The following ESYT3 variants were observed in gnomAD, a reference collection of about 807,000 sequenced individuals.
ESYT3 encodes extended synaptotagmin-3.
ESYT3 carries 101 observed loss-of-function variants against 111.5 expected under a neutral mutation model. The ratio of observed to expected loss-of-function variants is 0.91; its 90% CI spans 0.77 to 1.07. The LOEUF (loss-of-function observed/expected upper bound fraction) is 1.07. Among genes scored for constraint, ESYT3 ranks in the 50% least tolerant of loss-of-function variants. ESYT3 has a pLI of 0.00. For synonymous variants in ESYT3, 416 were observed against 446.8 expected, an observed-to-expected ratio of 0.93 and a Z score of 0.87; for missense variants, 1,097 against 1,109.4, an observed-to-expected ratio of 0.99 and a Z score of 0.16.
rs1306908958 is a variant in ESYT3 at position 138,477,650 on chromosome 3, G to A, written c.*796G>A. The A allele has an allele frequency of 6.6e-6, 1 of 152,174 alleles. No individual in the cohort carries two copies. Among genetic ancestry groups the A allele is most frequent in the Non-Finnish European group, 1.5e-5 (1 of 68,042 alleles). 9.4% of individuals were successfully genotyped at this position (152,174 alleles called of 1,614,324 possible). On this transcript the variant is annotated 3_prime_UTR_variant, in exon 23 of 23. Coordinates refer to ENST00000389567, the MANE Select transcript of ESYT3 (RefSeq NM_031913.5). ...TGAAGAGTGTCACCATCAGAGAAAA[G>A]GAAGCTTTCAGATAAGTTTAGGCTA...
intron 1 of ESYT3, among the ~76,000 whole-genome samples, chr3:138,439,543 C>T (rs757689871): frequency 9.9e-5 from 15 of 152,178 alleles, no homozygotes; most frequent in Non-Finnish European, 1.8e-4. Context: ...GTAGGGGCCC[C>T]TGCGTGGAGC....
chr3:138,459,351 G>A lies in ESYT3; in HGVS notation c.648+98G>A, dbSNP rs1249235327. The stretch of plus-strand genomic sequence containing the variant: ...ATGCCAGAGTAGGCCGCAGAAGGTG[G>A]TGGCAACACTAAACACAGAGGATGG... On this transcript the variant is annotated intron_variant, in intron 5 of 22. Coordinates refer to ENST00000389567, the MANE Select transcript of ESYT3 (RefSeq NM_031913.5). The A allele has an allele frequency of 4.2e-6, 4 of 945,646 alleles. No homozygotes were observed. The Admixed American group carries it at 9.8e-5, about 23-fold the overall frequency. The allele number at this position is 945,646 out of a possible 1,614,324, so 58.6% of individuals were successfully genotyped here.
chr3:138,472,787 C>T lies in ESYT3; in HGVS notation c.2165C>T (p.Ala722Val). Residue 722 changes from alanine (A) to valine (V), a missense_variant, in exon 18 of 23, where the codon GCT becomes GTT. Coordinates refer to ENST00000389567, the MANE Select transcript of ESYT3 (RefSeq NM_031913.5). Reference protein sequence around the residue: ...SPFAWPPKRLAPSMSSLNSLA... With the variant: ...SPFAWPPKRLVPSMSSLNSLA... ...TTCGCATGGCCGCCCAAGAGGCTGG[C>T]TCCCAGCATGTCCTCGCTCAACTCC... is the stretch of plus-strand genomic sequence containing the variant. 1 of 1,614,218 alleles carries T rather than the reference C, an allele frequency of 6.2e-7. No individual in the cohort carries two copies.
intron 3 of ESYT3, among the ~76,000 whole-genome samples, chr3:138,457,346 C>CTGTG (rs1265530488): frequency 6.6e-6 from 1 of 152,172 alleles, no homozygotes; most frequent in South Asian, 2.1e-4. Flanking sequence ...CAGGGCCACT[C>CTGTG]TGTGTGGCTG....
rs528683848 is a variant in ESYT3 at position 138,435,707 on chromosome 3, G to A, written c.327+582G>A. Among the ~76,000 whole-genome samples, 9 of 152,092 alleles carry A rather than the reference G, an allele frequency of 5.9e-5. No individual in the cohort carries two copies. The highest frequency in any genetic ancestry group is 2.1e-4 in the South Asian group (1 of 4,812). On this transcript the variant is annotated intron_variant, in intron 1 of 22. Coordinates refer to ENST00000389567, the MANE Select transcript of ESYT3 (RefSeq NM_031913.5). The surrounding 1 kb of genome is among the most constrained non-coding windows in gnomAD (Gnocchi z 4.8). ...CTCCCTCCCTCCGCCGGATAGGGATGCCGGCACACGCACACTGCCCCGACA... is the reference window on the plus strand; with the variant it reads ...CTCCCTCCCTCCGCCGGATAGGGATACCGGCACACGCACACTGCCCCGACA...
Position 138,472,724 on chromosome 3 carries a change from T to A in ESYT3, c.2102T>A (p.Ile701Asn), listed in dbSNP as rs780817989. 5.6e-6 allele frequency: 9 copies of A among 1,614,150 alleles called. No individual in the cohort carries two copies. The South Asian group carries it at 9.9e-5, about 18-fold the overall frequency. Reference protein sequence around the residue: ...TVPGPHSPGPIKSPRPMKCPA... With the variant: ...TVPGPHSPGPNKSPRPMKCPA... ...CCAGGTCCCCACTCTCCAGGGCCCATCAAGTCACCCAGACCCATGAAATGC... is the reference window on the plus strand; with the variant it reads ...CCAGGTCCCCACTCTCCAGGGCCCAACAAGTCACCCAGACCCATGAAATGC... Residue 701 changes from isoleucine (I) to asparagine (N), a missense_variant, in exon 18 of 23, where the codon ATC becomes AAC. Physicochemically the swap from Ile to Asn is moderately radical, Grantham distance 149. Coordinates refer to ENST00000389567, the MANE Select transcript of ESYT3 (RefSeq NM_031913.5).
chr3:138,478,464 G>A lies in ESYT3; in HGVS notation c.*1610G>A, dbSNP rs945215658. 6.6e-6 allele frequency: 1 copy of A among 152,140 alleles called. No homozygotes were observed. The highest frequency in any genetic ancestry group is 1.5e-5 in the Non-Finnish European group (1 of 68,022). 9.4% of individuals were successfully genotyped at this position (152,140 alleles called of 1,614,324 possible). ...CTAATTGCCCCCTAAATAGACAAGT[G>A]CCTTGAAAATGGAGAAGCACCAGAG... On this transcript the variant is annotated 3_prime_UTR_variant, in exon 23 of 23. Coordinates refer to ENST00000389567, the MANE Select transcript of ESYT3 (RefSeq NM_031913.5).
intron 1 of ESYT3, among the ~76,000 whole-genome samples, chr3:138,437,522 C>A (rs1576413603): frequency 6.6e-6 from 1 of 152,046 alleles, no homozygotes; most frequent in Non-Finnish European, 1.5e-5. Context: ...CATGAGGGGG[C>A]GCTGTGTGCT....
At chr3:138,468,958 TCTTCTGGGCCACA>T in intron 14 of ESYT3, 77 bp downstream of exon 14, 1 of 1,436,326 alleles carries the variant, frequency 7.0e-7, no homozygotes, top group East Asian at 2.3e-5. Context: ...CAACCCCATG[TCTTCTGGGCCACA>T]GTCTGTGCAC....
chr3:138,469,331 G>A, intron 14 of ESYT3, 105 bp from the exon 15 acceptor site: 2 of 931,298 alleles, frequency 2.1e-6, no homozygotes, highest in Non-Finnish European at 3.4e-6. Flanking sequence ...AGAAGTAACT[G>A]GGTGGCCCCA....
intron 17 of ESYT3, among the ~76,000 whole-genome samples, chr3:138,471,722 T>G (rs73864585): frequency 0.064 from 9,673 of 152,270 alleles, 1,040 homozygotes; most frequent in African/African-American, 0.22. Context: ...AAGGAGCTTC[T>G]GCTTTTGCTG....
intron 1 of ESYT3, among the ~76,000 whole-genome samples, chr3:138,448,958 A>G (rs527654258): frequency 6.6e-6 from 1 of 150,952 alleles, no homozygotes; most frequent in Admixed American, 6.6e-5. Flanking sequence ...TGGGGTTCAG[A>G]CTCATCCATG....
At chr3:138,455,692 A>G (rs535370947) in intron 3 of ESYT3, among the ~76,000 whole-genome samples, 8 of 152,316 alleles carry the variant, frequency 5.3e-5, no homozygotes, top group Middle Eastern at 3.4e-3. Flanking sequence ...GAGCCGGTGA[A>G]CACACGCTCA....
chr3:138,466,938 TG>T (rs1401946530), intron 10 of ESYT3, among the ~76,000 whole-genome samples: 4 of 152,094 alleles, frequency 2.6e-5, no homozygotes, highest in Admixed American at 2.6e-4. Context: ...CTCATTACTG[TG>T]GGGAGGGCAC....
At chr3:138,471,796 G>A (rs896059939) in intron 17 of ESYT3, among the ~76,000 whole-genome samples, 2 of 152,008 alleles carry the variant, frequency 1.3e-5, no homozygotes, top group African/African-American at 4.8e-5. Flanking sequence ...CTTAACTTTG[G>A]GTTTCAAGAT....
At chr3:138,438,217 G>A (rs2030870366) in intron 1 of ESYT3, among the ~76,000 whole-genome samples, 1 of 152,190 alleles carries the variant, frequency 6.6e-6, no homozygotes. Context: ...GTGAAAGAGA[G>A]GATGATGGCT....
intron 9 of ESYT3, 72 bp downstream of exon 9, chr3:138,464,587 C>A: frequency 6.6e-7 from 1 of 1,523,096 alleles, no homozygotes; most frequent in Non-Finnish European, 9.1e-7. Context: ...AGGGGCAACA[C>A]TAGGCAGGGA....
At chr3:138,459,294 A>AGGGT (rs759951737) in intron 5 of ESYT3, 41 bp downstream of exon 5, 5 of 1,476,708 alleles carry the variant, frequency 3.4e-6, no homozygotes, top group African/African-American at 2.8e-5. Flanking sequence ...TCCAGCCCCC[A>AGGGT]GGGTGGGGAT....
chr3:138,455,166 T>C (rs1255565161), intron 2 of ESYT3, 28 bp from the exon 3 acceptor site: 2 of 1,613,566 alleles, frequency 1.2e-6, no homozygotes, highest in South Asian at 2.2e-5. Flanking sequence ...CAGACCTGAC[T>C]ACCAAGAGCC....
Sources: allele counts gnomAD v4.1 joint callset (sites outside exome capture counted in the v4.1 genomes callset), GRCh38; gene constraint gnomAD v4.1.1; non-coding constraint Gnocchi (gnomAD v3.1); transcripts MANE v1.5; gene names NCBI Gene and HGNC (gene_info 2026-07-23, HGNC 2026-07-21).